SH3BGRL2: variants seen among roughly 807,000 people sequenced by gnomAD.
The protein encoded by SH3BGRL2 is SH3 domain-binding glutamic acid-rich-like protein 2.
In SH3BGRL2, 21 loss-of-function variants were observed where a neutral mutation model predicts 14.8. That is an observed-to-expected ratio of 1.42 (90% CI 1.01 to 2.05). SH3BGRL2 has a LOEUF of 2.05. Among genes scored for constraint, SH3BGRL2 ranks in the 30% most tolerant of loss-of-function variants. SH3BGRL2 has a pLI of 0.00. For missense variants in SH3BGRL2, 147 were observed against 130.8 expected, an observed-to-expected ratio of 1.12 and a Z score of -0.61; for synonymous variants, 50 against 47.8, an observed-to-expected ratio of 1.05 and a Z score of -0.19.
chr6:79,631,619 G>T, intron 1 of SH3BGRL2, 113 bp downstream of exon 1: 1 of 769,780 alleles, frequency 1.3e-6, no homozygotes, highest in Non-Finnish European at 1.7e-6. Context: ...GCCCGCGGGA[G>T]CCCGCGCCCG....
the SH3BGRL2 span, among the ~76,000 whole-genome samples, chr6:79,599,835 C>A: frequency 6.6e-6 from 1 of 152,076 alleles, no homozygotes; most frequent in Admixed American, 6.6e-5. Flanking sequence ...AGACTAATAC[C>A]CTCTACACAT....
At chr6:79,687,757 A>T (rs1770130779) in intron 2 of SH3BGRL2, among the ~76,000 whole-genome samples, 1 of 152,238 alleles carries the variant, frequency 6.6e-6, no homozygotes, top group Non-Finnish European at 1.5e-5. Flanking sequence ...TTTTTAAAAA[A>T]TATTCTTCTT....
At chr6:79,541,510 C>T in the SH3BGRL2 span, among the ~76,000 whole-genome samples, 1 of 152,150 alleles carries the variant, frequency 6.6e-6, no homozygotes, top group Non-Finnish European at 1.5e-5. Context: ...CAGGCTTTCC[C>T]TTCCAGGTAT....
chr6:79,648,306 T>G (rs1422695677), intron 1 of SH3BGRL2, among the ~76,000 whole-genome samples: 2 of 139,312 alleles, frequency 1.4e-5, no homozygotes, highest in Admixed American at 7.4e-5. Context: ...ATATATAATA[T>G]ATATATAAAT....
At chr6:79,564,147 A>G in the SH3BGRL2 span, among the ~76,000 whole-genome samples, 1 of 152,090 alleles carries the variant, frequency 6.6e-6, no homozygotes, top group Non-Finnish European at 1.5e-5. Flanking sequence ...CACCTGTGGT[A>G]TCTTGGAAAA....
chr6:79,586,235 C>CTTTT, the SH3BGRL2 span, among the ~76,000 whole-genome samples: 58 of 54,964 alleles, frequency 1.1e-3, 8 homozygotes, highest in African/African-American at 3.9e-3. Flanking sequence ...GTATGGACTT[C>CTTTT]TTTTTTTTTT....
the SH3BGRL2 span, among the ~76,000 whole-genome samples, chr6:79,586,120 C>T: frequency 2.7e-5 from 4 of 150,194 alleles, no homozygotes; most frequent in Non-Finnish European, 5.9e-5. Context: ...TGCTTGAACC[C>T]GGGAGGCGGA....
At chr6:79,538,026 T>TG in the SH3BGRL2 span, among the ~76,000 whole-genome samples, 2 of 84,088 alleles carry the variant, frequency 2.4e-5, no homozygotes, top group Non-Finnish European at 2.5e-5. Context: ...AAGTTTTTTT[T>TG]TTTTTTTTTT....
the SH3BGRL2 span, among the ~76,000 whole-genome samples, chr6:79,579,982 G>A: frequency 6.6e-6 from 1 of 151,998 alleles, no homozygotes; most frequent in African/African-American, 2.4e-5. Context: ...AGCAAAAAAA[G>A]GCAAGGGTTG....
the SH3BGRL2 span, among the ~76,000 whole-genome samples, chr6:79,584,752 G>C: frequency 6.6e-6 from 1 of 152,114 alleles, no homozygotes; most frequent in East Asian, 1.9e-4. Context: ...AAAATTTTAA[G>C]GACTGGTAAT....
chr6:79,628,127 T>C (rs1351743537), upstream of SH3BGRL2, among the ~76,000 whole-genome samples: 1 of 152,212 alleles, frequency 6.6e-6, no homozygotes, highest in Non-Finnish European at 1.5e-5. Flanking sequence ...TTCAAAATCA[T>C]GACGGCCGTT....
chr6:79,694,236 T>G (rs1770285035), intron 2 of SH3BGRL2, among the ~76,000 whole-genome samples: 1 of 152,204 alleles, frequency 6.6e-6, no homozygotes, highest in Admixed American at 6.6e-5. Flanking sequence ...ACAGGTATAC[T>G]AAGTTACATA....
At chr6:79,691,512 C>G (rs949934682) in intron 2 of SH3BGRL2, among the ~76,000 whole-genome samples, 3 of 115,236 alleles carry the variant, frequency 2.6e-5, no homozygotes, top group African/African-American at 3.4e-5. Context: ...CCCCTCCCCA[C>G]ACCCCACAAC....
chr6:79,631,412 C>G lies in SH3BGRL2; in HGVS notation c.-50C>G. 1.3e-6 allele frequency: 2 copies of G among 1,484,034 alleles called. No individual in the cohort carries two copies. Among genetic ancestry groups the G allele is most frequent in the Non-Finnish European group, 1.8e-6 (2 of 1,113,900 alleles). The allele number at this position is 1,484,034 out of a possible 1,614,324, so 91.9% of individuals were successfully genotyped here. Reference sequence around the variant, plus strand: ...AGCTGGGTTCAGCTCTGCGTCCACGCCAGCCCGGAGCCCGGGGGGCAAGGG... The same window carrying G: ...AGCTGGGTTCAGCTCTGCGTCCACGGCAGCCCGGAGCCCGGGGGGCAAGGG... On this transcript the variant is annotated 5_prime_UTR_variant, in exon 1 of 4. Transcript: ENST00000369838.
the SH3BGRL2 span, among the ~76,000 whole-genome samples, chr6:79,557,002 G>T: frequency 1.3e-5 from 2 of 151,450 alleles, no homozygotes; most frequent in Non-Finnish European, 3.0e-5. Context: ...TGTGATTTCA[G>T]AAAAAATAAA....
intron 1 of SH3BGRL2, among the ~76,000 whole-genome samples, chr6:79,653,876 C>A (rs1371669469): frequency 6.6e-6 from 1 of 152,168 alleles, no homozygotes; most frequent in African/African-American, 2.4e-5. Context: ...CTAGCTCAAG[C>A]TTCTTCACTT....
intron 1 of SH3BGRL2, among the ~76,000 whole-genome samples, chr6:79,639,767 A>C (rs1259265013): frequency 6.6e-6 from 1 of 152,222 alleles, no homozygotes; most frequent in Admixed American, 6.5e-5. Context: ...GTTTTTCAGC[A>C]GGAATTCCTT....
intron 1 of SH3BGRL2, among the ~76,000 whole-genome samples, chr6:79,651,444 C>G (rs761185246): frequency 7.9e-5 from 12 of 152,056 alleles, no homozygotes; most frequent in Non-Finnish European, 1.6e-4. Context: ...ACAGTAAAAT[C>G]CAACCACCCT....
chr6:79,539,122 C>G, the SH3BGRL2 span, among the ~76,000 whole-genome samples: 2 of 151,754 alleles, frequency 1.3e-5, no homozygotes. Context: ...TTTTATTCAC[C>G]CCCTCATATT....
Sources: allele counts gnomAD v4.1 joint callset (sites outside exome capture counted in the v4.1 genomes callset), GRCh38; gene constraint gnomAD v4.1.1; transcripts MANE v1.5; gene names NCBI Gene and HGNC (gene_info 2026-07-23, HGNC 2026-07-21).